GPR149: variants seen among roughly 807,000 people sequenced by gnomAD.
The protein encoded by GPR149 is probable G protein-coupled receptor 149.
In GPR149, 50 loss-of-function variants were observed where a neutral mutation model predicts 50.2. The ratio of observed to expected loss-of-function variants is 1.00; its 90% CI spans 0.79 to 1.26. GPR149 has a LOEUF of 1.26. Ranked by LOEUF, GPR149 falls within the 50% of genes most tolerant of loss-of-function variation. GPR149 has a pLI of 0.00. For missense variants in GPR149, 983 were observed against 895.4 expected (o/e 1.10, Z -1.25); for synonymous variants, 405 against 358.2 (o/e 1.13, Z -1.48).
intron 3 of GPR149, among the ~76,000 whole-genome samples, chr3:154,350,629 T>C (rs989382996): frequency 1.3e-5 from 2 of 152,156 alleles, no homozygotes; most frequent in African/African-American, 4.8e-5. Context: ...ATCTATACAT[T>C]TAATATAATT....
chr3:154,407,106 A>T (rs1336714781), intron 3 of GPR149, among the ~76,000 whole-genome samples: 1 of 152,138 alleles, frequency 6.6e-6, no homozygotes, highest in East Asian at 1.9e-4. Context: ...TGATTCAAGG[A>T]TCTCCCACTG....
chr3:154,373,274 T>G (rs1250231253), intron 3 of GPR149, among the ~76,000 whole-genome samples: 3 of 152,094 alleles, frequency 2.0e-5, no homozygotes, highest in African/African-American at 4.8e-5. Flanking sequence ...GCTGCTTAGA[T>G]ATCAGGTAGG....
At position 154,421,215 on chromosome 3, in the gene GPR149, G is replaced by A; in HGVS notation, c.1447C>T (p.Gln483Ter). ...CTNTDITEAK[Q>*]DSNNKKDAFS... ...GCATCCTTTTTGTTGTTGGAATCCT[G>A]TTTAGCTTCTGTAATATCAGTATTT... The change falls in exon 3 of 4, where the codon CAG becomes TAG. Residue 483 changes from glutamine (Q) to a stop codon, truncating the protein, a stop_gained. Coordinates refer to ENST00000389740, the MANE Select transcript of GPR149 (RefSeq NM_001038705.3). LOFTEE classifies it high-confidence loss of function. 1 of 1,613,476 alleles carries A rather than the reference G, an allele frequency of 6.2e-7. No individual in the cohort carries two copies. Among genetic ancestry groups the A allele is most frequent in the South Asian group, 1.1e-5 (1 of 91,066 alleles).
intron 3 of GPR149, among the ~76,000 whole-genome samples, chr3:154,342,772 A>G (rs948023932): frequency 1.7e-5 from 2 of 120,186 alleles, no homozygotes; most frequent in Admixed American, 1.7e-4. Context: ...TGCCCTCCAT[A>G]AAACATAAAC....
At chr3:154,407,616 G>T (rs1339035429) in intron 3 of GPR149, among the ~76,000 whole-genome samples, 1 of 151,490 alleles carries the variant, frequency 6.6e-6, no homozygotes, top group Non-Finnish European at 1.5e-5. Flanking sequence ...TTAATATGGG[G>T]TGATTAATAT....
intron 3 of GPR149, among the ~76,000 whole-genome samples, chr3:154,364,908 T>C (rs1007070687): frequency 1.3e-5 from 2 of 152,184 alleles, no homozygotes; most frequent in Non-Finnish European, 2.9e-5. Flanking sequence ...TCATGAGACA[T>C]TGACTAAGTA....
At chr3:154,359,099 A>G (rs1300574912) in intron 3 of GPR149, among the ~76,000 whole-genome samples, 1 of 152,210 alleles carries the variant, frequency 6.6e-6, no homozygotes, top group Admixed American at 6.5e-5. Flanking sequence ...TATTTAAATC[A>G]ATGGAATTTT....
chr3:154,373,863 G>A (rs1714725781), intron 3 of GPR149, among the ~76,000 whole-genome samples: 1 of 152,150 alleles, frequency 6.6e-6, no homozygotes, highest in South Asian at 2.1e-4. Flanking sequence ...GTTCATTGCT[G>A]TATTCACAGT....
intron 2 of GPR149, among the ~76,000 whole-genome samples, chr3:154,421,859 G>A (rs1712155452): frequency 6.6e-6 from 1 of 151,614 alleles, no homozygotes; most frequent in Non-Finnish European, 1.5e-5. Flanking sequence ...TTTGGGATAA[G>A]AGATATTATT....
chr3:154,372,853 A>T (rs139834876), intron 3 of GPR149, among the ~76,000 whole-genome samples: 1 of 152,316 alleles, frequency 6.6e-6, no homozygotes, highest in Non-Finnish European at 1.5e-5. Context: ...TGATGATGGT[A>T]TTATTTTCAG....
At chr3:154,353,154 A>G (rs933690355) in intron 3 of GPR149, 19 of 1,514,526 alleles carry the variant, frequency 1.3e-5, no homozygotes, top group Non-Finnish European at 1.7e-5. Context: ...CTCACAGAAA[A>G]TAATAGCCCT....
chr3:154,421,801 G>GT (rs1331709731), intron 2 of GPR149, among the ~76,000 whole-genome samples: 1 of 151,510 alleles, frequency 6.6e-6, no homozygotes, highest in East Asian at 1.9e-4. Flanking sequence ...CAAATACATT[G>GT]TTTTAGCTTT....
At chr3:154,358,473 C>A (rs576827681) in intron 3 of GPR149, among the ~76,000 whole-genome samples, 4 of 151,964 alleles carry the variant, frequency 2.6e-5, no homozygotes, top group Admixed American at 1.3e-4. Flanking sequence ...AATCACCAAA[C>A]CTTTAAAAAC....
At chr3:154,371,066 A>G (rs1714653999) in intron 3 of GPR149, among the ~76,000 whole-genome samples, 3 of 152,216 alleles carry the variant, frequency 2.0e-5, no homozygotes, top group Admixed American at 6.5e-5. Context: ...AAATCAAGCT[A>G]AAAGACCCCA....
intron 3 of GPR149, among the ~76,000 whole-genome samples, chr3:154,345,263 T>C (rs1324756173): frequency 1.3e-5 from 2 of 152,234 alleles, no homozygotes; most frequent in Non-Finnish European, 2.9e-5. Flanking sequence ...TTAAAATTTA[T>C]ACTTAAACAG....
At chr3:154,402,138 T>A (rs564387866) in intron 3 of GPR149, among the ~76,000 whole-genome samples, 1 of 152,250 alleles carries the variant, frequency 6.6e-6, no homozygotes, top group South Asian at 2.1e-4. Context: ...AAGTGCAAAT[T>A]TCTCTCTGAA....
intron 3 of GPR149, among the ~76,000 whole-genome samples, chr3:154,400,991 A>G (rs1312519231): frequency 2.6e-5 from 4 of 152,242 alleles, no homozygotes; most frequent in African/African-American, 9.6e-5. Context: ...TTTTTGTTGT[A>G]TCACAGGATG....
At chr3:154,352,287 C>T in intron 3 of GPR149, 1 of 874,872 alleles carries the variant, frequency 1.1e-6, no homozygotes, top group South Asian at 1.6e-5. Flanking sequence ...GCCTGACCCG[C>T]CTGACCAGCC....
chr3:154,410,534 G>A (rs868557923), intron 3 of GPR149, among the ~76,000 whole-genome samples: 4 of 151,982 alleles, frequency 2.6e-5, no homozygotes, highest in Admixed American at 2.0e-4. Flanking sequence ...GTGAGCAAGA[G>A]TAGCTATTCT....
Sources: allele counts gnomAD v4.1 joint callset (sites outside exome capture counted in the v4.1 genomes callset), GRCh38; gene constraint gnomAD v4.1.1; transcripts MANE v1.5; gene names NCBI Gene and HGNC (gene_info 2026-07-23, HGNC 2026-07-21).